ATF7: variants seen among roughly 807,000 people sequenced by gnomAD.
The protein encoded by ATF7 is cyclic AMP-dependent transcription factor ATF-7.
Under a neutral mutation model 50.4 loss-of-function variants are expected in ATF7, and 10 were observed. The observed-to-expected ratio is 0.20, with a 90% confidence interval of 0.12 to 0.34. ATF7 has a LOEUF of 0.34. Among genes scored for constraint, ATF7 ranks in the 10% least tolerant of loss-of-function variants. The pLI, the probability that ATF7 is intolerant of heterozygous loss-of-function variation, is 1.00. For missense variants in ATF7, 465 were observed against 613.9 expected, an observed-to-expected ratio of 0.76 and a Z score of 2.56; for synonymous variants, 201 against 226.4, an observed-to-expected ratio of 0.89 and a Z score of 1.01.
At chr12:53,564,359 G>C (rs1272465368) in intron 2 of ATF7, among the ~76,000 whole-genome samples, 3 of 152,324 alleles carry the variant, frequency 2.0e-5, no homozygotes, top group Non-Finnish European at 1.5e-5. Context: ...CTGGGCGACA[G>C]AGCAAGACTC....
chr12:53,609,821 CTTTTT>C (rs757421100), intron 1 of ATF7, among the ~76,000 whole-genome samples: 13 of 115,960 alleles, frequency 1.1e-4, no homozygotes, highest in Non-Finnish European at 1.9e-4. Context: ...AAATGTTATG[CTTTTT>C]TTTTTTTTTA....
At chr12:53,577,719 A>G (rs1379519750) in intron 2 of ATF7, among the ~76,000 whole-genome samples, 1 of 144,844 alleles carries the variant, frequency 6.9e-6, no homozygotes, top group Admixed American at 6.8e-5. Context: ...CCGTCTCTGA[A>G]AAAAAAAAAA....
intron 1 of ATF7, among the ~76,000 whole-genome samples, chr12:53,619,899 A>G (rs544870329): frequency 3.3e-5 from 5 of 152,188 alleles, no homozygotes; most frequent in Non-Finnish European, 5.9e-5. Context: ...TAATCTCAGC[A>G]CTTTGGGAGG....
intron 9 of ATF7, among the ~76,000 whole-genome samples, chr12:53,526,293 C>A (rs532681798): frequency 2.7e-5 from 4 of 148,708 alleles, no homozygotes; most frequent in East Asian, 3.9e-4. Flanking sequence ...GCTTCTGCTA[C>A]CCCTGAGACA....
At chr12:53,587,642 G>C (rs10876466) in intron 2 of ATF7, among the ~76,000 whole-genome samples, 73,708 of 145,922 alleles carry the variant, frequency 0.51, 19,250 homozygotes, top group East Asian at 0.95. Flanking sequence ...CTGTACTCCA[G>C]TGCACTCCAG....
chr12:53,533,037 T>C (rs1467494976), intron 7 of ATF7, 123 bp downstream of exon 7: 16 of 834,730 alleles, frequency 1.9e-5, no homozygotes, highest in Admixed American at 1.2e-4. Flanking sequence ...CAGGCTGCCA[T>C]GCTCAGCTAA....
chr12:53,529,734 C>CACACACACACACACACACAT (rs1298379846), intron 9 of ATF7, among the ~76,000 whole-genome samples: 85 of 143,490 alleles, frequency 5.9e-4, no homozygotes, highest in African/African-American at 1.6e-3. Flanking sequence ...CACACACACA[C>CACACACACACACACACACAT]ATATATATAT....
intron 9 of ATF7, among the ~76,000 whole-genome samples, chr12:53,529,263 G>C (rs991444667): frequency 1.3e-5 from 2 of 152,150 alleles, no homozygotes; most frequent in African/African-American, 4.8e-5. Context: ...GCAATGGTGC[G>C]ATCTCGGCTC....
At chr12:53,554,770 C>G (rs142423250) in intron 2 of ATF7, among the ~76,000 whole-genome samples, 2 of 144,356 alleles carry the variant, frequency 1.4e-5, no homozygotes, top group African/African-American at 5.2e-5. Context: ...GACTGAGGCA[C>G]GAGAATTGCT....
At chr12:53,595,883 C>T (rs1592953885) in intron 2 of ATF7, among the ~76,000 whole-genome samples, 1 of 152,054 alleles carries the variant, frequency 6.6e-6, no homozygotes, top group Non-Finnish European at 1.5e-5. Context: ...TCAACCTGTA[C>T]CTAAATGTCC....
chr12:53,591,514 C>T (rs1315379401), intron 2 of ATF7, among the ~76,000 whole-genome samples: 1 of 152,190 alleles, frequency 6.6e-6, no homozygotes, highest in African/African-American at 2.4e-5. Flanking sequence ...GCAGAAAAAT[C>T]ACCACCATTA....
rs536043254 is a variant in ATF7, at chr12:53,537,506, A to G, written c.311T>C (p.Ile104Thr). Residue 104 changes from isoleucine (I) to threonine (T), a missense_variant, in exon 5 of 12, where the codon ATC (isoleucine) becomes ACC (threonine). Physicochemically the swap from Ile to Thr is moderately conservative, Grantham distance 89. Transcript: ENST00000420353. ...LDMSLPSTPDIKIKEEEPVEV... is the reference protein window; with the variant it reads ...LDMSLPSTPDTKIKEEEPVEV... ...CACTGGCTCTTCTTCTTTGATTTTG[A>G]TGTCTGGTGTGGAAGGCAGAGACAT... 6.2e-7 allele frequency: 1 copy of G among 1,613,564 alleles called. No homozygotes were observed. The highest frequency in any genetic ancestry group is 2.2e-5 in the East Asian group (1 of 44,874).
chr12:53,622,323 AAT>A (rs1944415017), intron 1 of ATF7, among the ~76,000 whole-genome samples: 1 of 150,508 alleles, frequency 6.6e-6, no homozygotes, highest in Admixed American at 6.7e-5. Flanking sequence ...TAATAATAAT[AAT>A]AATAGAAATA....
chr12:53,607,280 T>C (rs1216493330), intron 1 of ATF7, among the ~76,000 whole-genome samples: 1 of 152,196 alleles, frequency 6.6e-6, no homozygotes, highest in Non-Finnish European at 1.5e-5. Flanking sequence ...TGGTACCTCA[T>C]TGTGGTTTTG....
At chr12:53,592,103 T>G (rs891308566) in intron 2 of ATF7, among the ~76,000 whole-genome samples, 20 of 152,250 alleles carry the variant, frequency 1.3e-4, no homozygotes, top group Admixed American at 1.3e-3. Context: ...GGTTCGGCAC[T>G]TCAATCTGCC....
chr12:53,551,484 T>A (rs960620777), intron 3 of ATF7, among the ~76,000 whole-genome samples: 1 of 152,216 alleles, frequency 6.6e-6, no homozygotes, highest in African/African-American at 2.4e-5. Context: ...TTCTTAGGGA[T>A]CATTGACGAC....
intron 3 of ATF7, among the ~76,000 whole-genome samples, chr12:53,548,086 T>C (rs1244334310): frequency 6.6e-6 from 1 of 151,636 alleles, no homozygotes; most frequent in Non-Finnish European, 1.5e-5. Context: ...AGGCTGGTCT[T>C]GGACTCCTGG....
At chr12:53,552,275 C>T (rs918237965) in intron 3 of ATF7, among the ~76,000 whole-genome samples, 7 of 151,480 alleles carry the variant, frequency 4.6e-5, no homozygotes, top group Non-Finnish European at 8.8e-5. Flanking sequence ...GAAAGAAAGA[C>T]GGTAATAGAC....
intron 4 of ATF7, among the ~76,000 whole-genome samples, chr12:53,538,264 C>A (rs997296473): frequency 1.3e-5 from 2 of 152,112 alleles, no homozygotes; most frequent in African/African-American, 4.8e-5. Flanking sequence ...ACTTTCTCTG[C>A]CAACAAGGAT....
Sources: allele counts gnomAD v4.1 joint callset (sites outside exome capture counted in the v4.1 genomes callset), GRCh38; gene constraint gnomAD v4.1.1; transcripts MANE v1.5; gene names NCBI Gene and HGNC (gene_info 2026-07-23, HGNC 2026-07-21).